Variants in NT5M observed in about 807,000 individuals in gnomAD.
NT5M encodes 5'(3')-deoxyribonucleotidase, mitochondrial.
Under a neutral mutation model 22.2 loss-of-function variants are expected in NT5M, and 22 were observed. The ratio of observed to expected loss-of-function variants is 0.99; its 90% CI spans 0.71 to 1.41. The LOEUF (loss-of-function observed/expected upper bound fraction) is 1.41. Ranked by LOEUF, NT5M falls within the 40% of genes most tolerant of loss-of-function variation. NT5M has a pLI of 0.00. For missense variants in NT5M, 322 were observed against 314.8 expected (o/e 1.02, Z -0.17); for synonymous variants, 167 against 133.0 (o/e 1.26, Z -1.76).
At chr17:17,305,394 G>GCCCCCCCCCCCCCCCCCCCCCCCCCC (rs34579357) in intron 1 of NT5M, among the ~76,000 whole-genome samples, 1 of 74,098 alleles carries the variant, frequency 1.3e-5, no homozygotes, top group Non-Finnish European at 2.7e-5. Flanking sequence ...TAAAACAACC[G>GCCCCCCCCCCCCCCCCCCCCCCCCCC]CCCCCCCCCC....
At chr17:17,314,810 CA>C (rs1259928461) in intron 2 of NT5M, among the ~76,000 whole-genome samples, 4 of 152,214 alleles carry the variant, frequency 2.6e-5, no homozygotes, top group Non-Finnish European at 5.9e-5. Flanking sequence ...GTTCTTTACA[CA>C]GCTAGATTGT....
In NT5M at chr17:17,347,375, C is replaced by CA; in HGVS notation, c.*429dup. The CA allele has an allele frequency of 5.5e-6, 1 of 180,474 alleles. No homozygotes were observed. The highest frequency in any genetic ancestry group is 1.2e-5 in the Non-Finnish European group (1 of 85,812). 11.2% of individuals were successfully genotyped at this position (180,474 alleles called of 1,614,324 possible). A position where few individuals can be genotyped will look rare whatever the true frequency, so the allele number is the denominator to read the frequency against. On this transcript the variant is annotated 3_prime_UTR_variant, in exon 5 of 5. Transcript: ENST00000389022. ...AGGAACCCGGCGACTGAGGTGCTTC[C>CA]AGGTGGGGACAAGCCCCTCTTGGTC...
chr17:17,304,516 A>G (rs2048750459), intron 1 of NT5M: 2 of 822,120 alleles, frequency 2.4e-6, no homozygotes, highest in East Asian at 2.5e-4. Context: ...GGAACAGGGG[A>G]TTTTGGTATG....
intron 2 of NT5M, among the ~76,000 whole-genome samples, chr17:17,312,204 G>T (rs949988622): frequency 5.3e-5 from 8 of 152,196 alleles, no homozygotes; most frequent in Non-Finnish European, 1.0e-4. Flanking sequence ...TAGGCATATC[G>T]CAAGAAAGGC....
intron 2 of NT5M, among the ~76,000 whole-genome samples, chr17:17,314,125 C>T (rs750286265): frequency 6.6e-6 from 1 of 151,630 alleles, no homozygotes; most frequent in Non-Finnish European, 1.5e-5. Flanking sequence ...CCTCCGCCTC[C>T]CGGGTTCAAG....
intron 2 of NT5M, among the ~76,000 whole-genome samples, chr17:17,310,670 C>A (rs920767238): frequency 1.3e-5 from 2 of 150,360 alleles, no homozygotes; most frequent in African/African-American, 4.9e-5. Flanking sequence ...ACCCTGCCTC[C>A]ACTAAAAATA....
intron 3 of NT5M, among the ~76,000 whole-genome samples, chr17:17,334,547 C>T (rs980730694): frequency 1.4e-5 from 2 of 141,638 alleles, no homozygotes; most frequent in African/African-American, 5.3e-5. Flanking sequence ...GGTGTGATCT[C>T]GGCTCACTGC....
intron 2 of NT5M, among the ~76,000 whole-genome samples, chr17:17,308,773 C>G (rs2048863745): frequency 6.6e-6 from 1 of 152,178 alleles, no homozygotes; most frequent in African/African-American, 2.4e-5. Context: ...CCCTGCCAGC[C>G]CCTGGCAACC....
chr17:17,306,492 C>T (rs1487730524), intron 1 of NT5M, 51 bp from the exon 2 acceptor site: 1 of 1,247,814 alleles, frequency 8.0e-7, no homozygotes, highest in South Asian at 1.2e-5. Flanking sequence ...AAGATGAGGG[C>T]AGTAAGGTGC....
In NT5M at chr17:17,347,061, G is replaced by A; in HGVS notation, c.*114G>A. ...TCCCTCCTAGACTCCTGGGCCCCAT[G>A]ACCTCCTGCTGCATGTCCCTTCCCT... On this transcript the variant is annotated 3_prime_UTR_variant, in exon 5 of 5. Coordinates refer to ENST00000389022, the MANE Select transcript of NT5M (RefSeq NM_020201.4). 6 of 1,311,422 alleles carry A rather than the reference G, an allele frequency of 4.6e-6. No individual in the cohort carries two copies. The highest frequency in any genetic ancestry group is 6.2e-6 in the Non-Finnish European group (6 of 966,942). 81.2% of individuals were successfully genotyped at this position (1,311,422 alleles called of 1,614,324 possible).
rs1244805491 is a variant in NT5M at position 17,328,320 on chromosome 17, A to G, written c.429+5075A>G. On this transcript the variant is annotated intron_variant, in intron 3 of 4. Transcript: ENST00000389022. Reference sequence around the variant, plus strand: ...CCAGGTGAAATGGATTAGTTTATCCAAATCTCCCAGCTGTCCTCATGGTTT... The same window carrying G: ...CCAGGTGAAATGGATTAGTTTATCCGAATCTCCCAGCTGTCCTCATGGTTT... Among the ~76,000 whole-genome samples, 4 of 152,288 alleles carry G rather than the reference A, an allele frequency of 2.6e-5. No individual in the cohort carries two copies. In the East Asian group the frequency reaches 7.7e-4, roughly 29 times the overall value.
chr17:17,330,634 G>A lies in NT5M; in HGVS notation c.429+7389G>A, dbSNP rs1025381476. Among the ~76,000 whole-genome samples the A allele has an allele frequency of 5.3e-5, 8 of 151,516 alleles. 1 individual carries two copies. The South Asian group carries it at 1.2e-3, about 24-fold the overall frequency. On this transcript the variant is annotated intron_variant, in intron 3 of 4. Transcript: ENST00000389022. ...CAGGTGATCCATCTGCCTCAGCCCCGCAAAGTGCTGGGATTACAGGTGTGA... is the reference window on the plus strand; with the variant it reads ...CAGGTGATCCATCTGCCTCAGCCCCACAAAGTGCTGGGATTACAGGTGTGA...
intron 4 of NT5M, chr17:17,345,281 C>T: frequency 9.7e-7 from 1 of 1,031,396 alleles, no homozygotes. Flanking sequence ...CAATGAATGA[C>T]AGGAGGGCAG....
intron 3 of NT5M, among the ~76,000 whole-genome samples, chr17:17,325,426 T>C (rs547896537): frequency 1.3e-5 from 2 of 152,210 alleles, no homozygotes; most frequent in East Asian, 1.9e-4. Flanking sequence ...CGTGCTGATG[T>C]CTTCCTCTAA....
At chr17:17,319,928 C>T (rs749905741) in intron 2 of NT5M, among the ~76,000 whole-genome samples, 2 of 151,664 alleles carry the variant, frequency 1.3e-5, no homozygotes, top group African/African-American at 4.8e-5. Context: ...CTGCAACCTC[C>T]GCCTTTTGGA....
chr17:17,311,257 G>A (rs2145329747), intron 2 of NT5M, among the ~76,000 whole-genome samples: 1 of 151,584 alleles, frequency 6.6e-6, no homozygotes, highest in South Asian at 2.1e-4. Flanking sequence ...AGAATCGCGT[G>A]AACCTGGGAG....
At chr17:17,343,168 G>C (rs2049682672) in intron 3 of NT5M, among the ~76,000 whole-genome samples, 1 of 152,196 alleles carries the variant, frequency 6.6e-6, no homozygotes, top group Non-Finnish European at 1.5e-5. Context: ...GACTGGGAGA[G>C]TTCAGGGAAG....
chr17:17,332,392 T>G (rs2049407109), intron 3 of NT5M, among the ~76,000 whole-genome samples: 1 of 152,156 alleles, frequency 6.6e-6, no homozygotes, highest in African/African-American at 2.4e-5. Flanking sequence ...CTTCTGTGTC[T>G]TCTTGGTAAT....
chr17:17,319,779 G>C (rs570104992), intron 2 of NT5M, among the ~76,000 whole-genome samples: 2 of 152,230 alleles, frequency 1.3e-5, no homozygotes, highest in East Asian at 3.8e-4. Context: ...GGTGGCAGGC[G>C]TGTTTATTTC....
Sources: gnomAD v4.1 joint callset for allele counts (sites outside exome capture counted in the v4.1 genomes callset) on GRCh38, gnomAD v4.1.1 for gene constraint, MANE v1.5 for transcripts, NCBI Gene and HGNC (gene_info 2026-07-23, HGNC 2026-07-21) for gene names.